Variants in ELAVL4 observed in about 807,000 individuals in gnomAD.
The protein encoded by ELAVL4 is ELAV-like protein 4.
In ELAVL4, 1 loss-of-function variant was observed where a neutral mutation model predicts 35.6. The observed-to-expected ratio is 0.03, with a 90% CI of 0.01 to 0.13. The LOEUF (loss-of-function observed/expected upper bound fraction) is 0.13. Among genes scored for constraint, ELAVL4 ranks in the 10% least tolerant of loss-of-function variants. ELAVL4 has a pLI of 1.00. For synonymous variants in ELAVL4, 156 were observed against 171.0 expected, an observed-to-expected ratio of 0.91 and a Z score of 0.69; for missense variants, 267 against 464.9, an observed-to-expected ratio of 0.57 and a Z score of 3.91.
Position 50,201,902 on chromosome 1 carries a change from A to C in ELAVL4, c.*724A>C, listed in dbSNP as rs1024292707. 4.6e-5 allele frequency: 7 copies of C among 152,088 alleles called. No homozygotes were observed. The highest frequency in any genetic ancestry group is 1.7e-4 in the African/African-American group (7 of 41,396). 9.4% of individuals were successfully genotyped at this position (152,088 alleles called of 1,614,324 possible). On this transcript the variant is annotated 3_prime_UTR_variant, in exon 7 of 7. Coordinates refer to ENST00000371824, the MANE Select transcript of ELAVL4 (RefSeq NM_001144774.3). This position sits in a 1 kb window ranked among gnomAD's most constrained non-coding sequence, Gnocchi z 4.3. The stretch of plus-strand genomic sequence containing the variant: ...GGTCTCTTTGCTGAAAATGGGTTTC[A>C]AGAAAAATCTATTTTTATAAAATAT...
At chr1:50,165,549 A>ATATAT (rs1301601748) in intron 2 of ELAVL4, among the ~76,000 whole-genome samples, 2 of 149,154 alleles carry the variant, frequency 1.3e-5, no homozygotes, top group African/African-American at 4.9e-5. Flanking sequence ...ATGTATATAT[A>ATATAT]GTATATATGC....
intron 1 of ELAVL4, among the ~76,000 whole-genome samples, chr1:50,070,780 G>A (rs997932448): frequency 6.7e-5 from 10 of 149,836 alleles, no homozygotes; most frequent in South Asian, 2.1e-4. Flanking sequence ...AAACGGTGAC[G>A]TTTCAGAAGG....
At position 50,109,877 on chromosome 1, in the gene ELAVL4, T is replaced by TTTACA. The variant is rs1666760943; in HGVS notation, c.9+681_9+685dup. ...AGCTCTGTAAGAAGGAATGTCAGCT[T>TTTACA]TTACATAACGTTCCTTTCCGCTTTT... On this transcript the variant is annotated intron_variant, in intron 1 of 6. Transcript: ENST00000371824. 16 of 1,604,806 alleles carry TTTACA rather than the reference T, an allele frequency of 1.0e-5. No homozygotes were observed. The South Asian group carries it at 1.8e-4, about 18-fold the overall frequency.
chr1:50,129,460 C>T (rs1670495225), intron 1 of ELAVL4, among the ~76,000 whole-genome samples: 1 of 152,068 alleles, frequency 6.6e-6, no homozygotes, highest in Admixed American at 6.5e-5. Flanking sequence ...AAGCAGAAAC[C>T]CTAATGACTC....
intron 2 of ELAVL4, among the ~76,000 whole-genome samples, chr1:50,161,934 C>T (rs557688046): frequency 2.0e-5 from 3 of 152,328 alleles, no homozygotes; most frequent in African/African-American, 7.2e-5. Context: ...ATTGGTCTTT[C>T]TGCTTTTGGG....
upstream of ELAVL4, among the ~76,000 whole-genome samples, chr1:50,100,950 G>A (rs1159581527): frequency 6.7e-6 from 1 of 148,730 alleles, no homozygotes; most frequent in Non-Finnish European, 1.5e-5. Flanking sequence ...CTACATATTA[G>A]TAATAATTGC....
rs1457773259 is a variant in ELAVL4 at position 50,202,704 on chromosome 1, GTTAA to G, written c.*1529_*1532del. 1.3e-5 allele frequency: 2 copies of G among 151,776 alleles called. No homozygotes were observed. Among genetic ancestry groups the G allele is most frequent in the Non-Finnish European group, 2.9e-5 (2 of 67,938 alleles). The allele number at this position is 151,776 out of a possible 1,614,324, so 9.4% of individuals were successfully genotyped here. ...ATATATAAAGTTATTTTTTCTTTGGGTTAATTTATTATAAGTTGTAACACTTGGC... is the reference window on the plus strand; with the variant it reads ...ATATATAAAGTTATTTTTTCTTTGGGTTTATTATAAGTTGTAACACTTGGC... On this transcript the variant is annotated 3_prime_UTR_variant, in exon 7 of 7. Coordinates refer to ENST00000371824, the MANE Select transcript of ELAVL4 (RefSeq NM_001144774.3).
intron 2 of ELAVL4, among the ~76,000 whole-genome samples, chr1:50,176,327 G>A (rs926132927): frequency 6.6e-6 from 1 of 152,240 alleles, no homozygotes; most frequent in Non-Finnish European, 1.5e-5. Flanking sequence ...TTTGGCTCAG[G>A]GAATGATGAG....
In ELAVL4 at chr1:50,163,091, T is replaced by C. The variant is rs578220597; in HGVS notation, c.251-13998T>C. ...TGACTATAAATTTCGTGACAGTTCT[T>C]TCTTCTCGAGGAATGGGTGCTCATT... On this transcript the variant is annotated intron_variant, in intron 2 of 6. Coordinates refer to ENST00000371824, the MANE Select transcript of ELAVL4 (RefSeq NM_001144774.3). Among the ~76,000 whole-genome samples the C allele has an allele frequency of 6.6e-5, 10 of 152,294 alleles. No homozygotes were observed. The South Asian group carries it at 2.1e-3, about 32-fold the overall frequency.
At chr1:50,064,776 G>A (rs1410780833) in intron 1 of ELAVL4, among the ~76,000 whole-genome samples, 1 of 152,104 alleles carries the variant, frequency 6.6e-6, no homozygotes, top group Non-Finnish European at 1.5e-5. Context: ...TTTGAACTCT[G>A]GAATCTGACT....
At chr1:50,112,400 G>A (rs1472294480) in intron 1 of ELAVL4, among the ~76,000 whole-genome samples, 2 of 151,964 alleles carry the variant, frequency 1.3e-5, no homozygotes, top group African/African-American at 2.4e-5. Context: ...GACCTTTCTC[G>A]ATCCTTTGTC....
At chr1:50,073,742 G>T (rs571563641) in intron 1 of ELAVL4, among the ~76,000 whole-genome samples, 1 of 152,000 alleles carries the variant, frequency 6.6e-6, no homozygotes, top group Admixed American at 6.6e-5. Context: ...TAATGGCTTC[G>T]TAAATGAGAA....
At chr1:50,146,694 A>G (rs1432515164) in intron 2 of ELAVL4, among the ~76,000 whole-genome samples, 2 of 152,190 alleles carry the variant, frequency 1.3e-5, no homozygotes, top group Non-Finnish European at 2.9e-5. Flanking sequence ...TTCCTGAATA[A>G]TCTTTATATA....
chr1:50,159,900 G>A (rs1251666434), intron 2 of ELAVL4, among the ~76,000 whole-genome samples: 1 of 152,104 alleles, frequency 6.6e-6, no homozygotes, highest in African/African-American at 2.4e-5. Flanking sequence ...GCAAGTAAAA[G>A]CGTTGGTGTC....
chr1:50,108,942 G>C lies in ELAVL4; in HGVS notation c.-248G>C, dbSNP rs1275883963. 8.4e-7 allele frequency: 1 copy of C among 1,186,354 alleles called. No individual in the cohort carries two copies. Among genetic ancestry groups the C allele is most frequent in the African/African-American group, 1.6e-5 (1 of 62,718 alleles). 73.5% of individuals were successfully genotyped at this position (1,186,354 alleles called of 1,614,324 possible). ...TTCGAGCCAATTTCAGCAAGGCTCT[G>C]TTCAGTTGTTCTTATCTACATCCTA... On this transcript the variant is annotated 5_prime_UTR_variant, in exon 1 of 7. Coordinates refer to ENST00000371824, the MANE Select transcript of ELAVL4 (RefSeq NM_001144774.3).
chr1:50,086,455 T>C (rs1365281216), intron 1 of ELAVL4, among the ~76,000 whole-genome samples: 1 of 147,158 alleles, frequency 6.8e-6, no homozygotes, highest in Non-Finnish European at 1.5e-5. Context: ...CTTTGTTTAG[T>C]TCCTTGGAAC....
At chr1:50,103,996 A>G (rs781008927), upstream of ELAVL4, 2 of 1,614,006 alleles carry the variant, frequency 1.2e-6, no homozygotes, top group East Asian at 4.5e-5. Flanking sequence ...AGTCATATGG[A>G]ACAGGTCTGT....
At chr1:50,104,409 T>C (rs929742215), upstream of ELAVL4, among the ~76,000 whole-genome samples, 2 of 152,220 alleles carry the variant, frequency 1.3e-5, no homozygotes, top group African/African-American at 4.8e-5. Flanking sequence ...CAACCAGAAT[T>C]TGATGAGAGC....
intron 1 of ELAVL4, among the ~76,000 whole-genome samples, chr1:50,063,041 T>C (rs1451279912): frequency 6.6e-6 from 1 of 152,098 alleles, no homozygotes; most frequent in Non-Finnish European, 1.5e-5. Flanking sequence ...GATAATTGGA[T>C]TCTAAACAAA....
Sources: allele counts gnomAD v4.1 joint callset (sites outside exome capture counted in the v4.1 genomes callset), GRCh38; gene constraint gnomAD v4.1.1; non-coding constraint Gnocchi (gnomAD v3.1); transcripts MANE v1.5; gene names NCBI Gene and HGNC (gene_info 2026-07-23, HGNC 2026-07-21).